Variants in PCDHA12 observed in about 807,000 individuals in gnomAD.
PCDHA12 encodes the protein protocadherin alpha-12.
A neutral mutation model predicts 60.0 loss-of-function variants in PCDHA12; 44 were observed. The ratio of observed to expected loss-of-function variants is 0.73; its 90% CI spans 0.58 to 0.94. The LOEUF (loss-of-function observed/expected upper bound fraction) is 0.94. PCDHA12 is among the 40% of genes least tolerant of loss of function. PCDHA12 has a pLI of 0.00. For missense variants in PCDHA12, 1,276 were observed against 1,239.7 expected (o/e 1.03, Z -0.44); for synonymous variants, 569 against 553.0 (o/e 1.03, Z -0.40).
intron 1 of PCDHA12, among the ~76,000 whole-genome samples, chr5:140,904,631 G>A (rs150616068): frequency 0.029 from 4,338 of 152,074 alleles, 82 homozygotes; most frequent in Non-Finnish European, 0.044. Flanking sequence ...GTTCTTTAAG[G>A]AATCTCCACA....
chr5:140,907,167 T>C (rs1200819434), intron 1 of PCDHA12, among the ~76,000 whole-genome samples: 3 of 152,166 alleles, frequency 2.0e-5, no homozygotes, highest in Non-Finnish European at 4.4e-5. Context: ...ATATATTGGA[T>C]GCTGATTCAG....
intron 1 of PCDHA12, among the ~76,000 whole-genome samples, chr5:140,958,627 T>C (rs1183042351): frequency 6.6e-6 from 1 of 152,128 alleles, no homozygotes; most frequent in African/African-American, 2.4e-5. Flanking sequence ...AGCTTGAGAG[T>C]ACTGCAGAAA....
chr5:140,969,058 T>C, intron 1 of PCDHA12: 1 of 1,614,166 alleles, frequency 6.2e-7, no homozygotes. Flanking sequence ...ACAACAATAT[T>C]GATGCCAGGA....
At chr5:140,946,867 G>A (rs1194586546) in intron 1 of PCDHA12, among the ~76,000 whole-genome samples, 1 of 151,282 alleles carries the variant, frequency 6.6e-6, no homozygotes, top group Non-Finnish European at 1.5e-5. Context: ...GGAGAGGTTG[G>A]TCAATGGGTA....
intron 3 of PCDHA12, among the ~76,000 whole-genome samples, chr5:141,001,306 A>C (rs1554258083): frequency 6.6e-6 from 1 of 152,174 alleles, no homozygotes; most frequent in African/African-American, 2.4e-5. Context: ...CAGAGATATG[A>C]AATAATTTGC....
At chr5:140,884,128 C>A (rs1554181251) in intron 1 of PCDHA12, 1 of 1,613,308 alleles carries the variant, frequency 6.2e-7, no homozygotes, top group Non-Finnish European at 8.5e-7. Flanking sequence ...GCGCGCGCAT[C>A]CCGTTCCGCG....
intron 1 of PCDHA12, among the ~76,000 whole-genome samples, chr5:140,923,958 T>C (rs1447655640): frequency 1.3e-5 from 2 of 152,216 alleles, no homozygotes; most frequent in Admixed American, 6.5e-5. Context: ...CACGCCCTAA[T>C]CTATACCCAC....
rs781792274 is a variant in PCDHA12, at chr5:140,927,895, G to A, written c.2367+50056G>A. The A allele has an allele frequency of 4.3e-5, 70 of 1,614,074 alleles. No homozygotes were observed. The highest frequency in any genetic ancestry group is 5.3e-5 in the Non-Finnish European group (62 of 1,180,048). On this transcript the variant is annotated intron_variant, in intron 1 of 3. Coordinates refer to ENST00000398631, the MANE Select transcript of PCDHA12 (RefSeq NM_018903.4). ...GCTGGTGGAGGTGACTGACGTGAACGATCATGCCCCCGAACTGGACTTCCT... is the reference window on the plus strand; with the variant it reads ...GCTGGTGGAGGTGACTGACGTGAACAATCATGCCCCCGAACTGGACTTCCT...
intron 1 of PCDHA12, among the ~76,000 whole-genome samples, chr5:140,954,810 A>C (rs1169811573): frequency 6.6e-6 from 1 of 151,948 alleles, no homozygotes; most frequent in Non-Finnish European, 1.5e-5. Context: ...CTTTTGTTGA[A>C]ATTGCTTTAG....
intron 1 of PCDHA12, among the ~76,000 whole-genome samples, chr5:140,932,398 T>C (rs1163806647): frequency 6.6e-6 from 1 of 151,960 alleles, no homozygotes; most frequent in Non-Finnish European, 1.5e-5. Flanking sequence ...AGTTTCAACA[T>C]ACCAATGTTA....
chr5:140,877,206 C>T lies in PCDHA12; in HGVS notation c.1734C>T (p.Ser578=), dbSNP rs782807049. The change falls in exon 1 of 4, where the codon AGC becomes AGT. Residue 578 remains serine, a synonymous_variant. Transcript: ENST00000398631. Reference sequence around the variant, plus strand: ...CTGGCAGCGCAGGAGGCGCAGTTAGCGAGTTGGTACCGCGGTCGGTGGGTG... The same window carrying T: ...CTGGCAGCGCAGGAGGCGCAGTTAGTGAGTTGGTACCGCGGTCGGTGGGTG... ...TPAGSAGGAV[S]ELVPRSVGAG... is the part of the protein sequence containing the mutation. The T allele has an allele frequency of 1.9e-6, 3 of 1,613,650 alleles. No individual in the cohort carries two copies. The highest frequency in any genetic ancestry group is 2.7e-5 in the African/African-American group (2 of 74,928).
chr5:140,955,867 C>T (rs1208648426), intron 1 of PCDHA12, among the ~76,000 whole-genome samples: 1 of 152,136 alleles, frequency 6.6e-6, no homozygotes, highest in Non-Finnish European at 1.5e-5. Context: ...CTTCACTTCC[C>T]TTTTTAGCTG....
intron 1 of PCDHA12, chr5:140,927,048 G>C: frequency 6.2e-7 from 1 of 1,612,122 alleles, no homozygotes; most frequent in Non-Finnish European, 8.5e-7. Flanking sequence ...CTATGTCCTC[G>C]CGGAACTTTC....
intron 1 of PCDHA12, among the ~76,000 whole-genome samples, chr5:140,975,697 AT>A (rs1375810410): frequency 1.3e-5 from 2 of 152,182 alleles, no homozygotes; most frequent in African/African-American, 4.8e-5. Flanking sequence ...TTTTAAACTT[AT>A]TTTACTTTAA....
At chr5:140,899,713 T>G (rs1336302647) in intron 1 of PCDHA12, among the ~76,000 whole-genome samples, 1 of 152,210 alleles carries the variant, frequency 6.6e-6, no homozygotes, top group Non-Finnish European at 1.5e-5. Context: ...TTAGGGAGGA[T>G]TCCCTCTTTT....
Position 141,010,322 on chromosome 5 carries a change from C to G in PCDHA12, c.*385C>G. 6.5e-7 allele frequency: 1 copy of G among 1,540,986 alleles called. No homozygotes were observed. The highest frequency in any genetic ancestry group is 8.7e-7 in the Non-Finnish European group (1 of 1,143,174). Reference sequence around the variant, plus strand: ...GCTGAAAAGTTTTGAGATTGAGCAGCTTGGGAGTTTGTGGCCACTGGGTAT... The same window carrying G: ...GCTGAAAAGTTTTGAGATTGAGCAGGTTGGGAGTTTGTGGCCACTGGGTAT... On this transcript the variant is annotated 3_prime_UTR_variant, in exon 4 of 4. Transcript: ENST00000398631.
chr5:140,884,295 C>T, intron 1 of PCDHA12: 3 of 1,613,680 alleles, frequency 1.9e-6, no homozygotes, highest in South Asian at 2.2e-5. Context: ...GGCCAAGCGC[C>T]ACAGGCTTCG....
chr5:140,933,137 A>C (rs1378585369), intron 1 of PCDHA12, among the ~76,000 whole-genome samples: 1 of 151,994 alleles, frequency 6.6e-6, no homozygotes, highest in African/African-American at 2.4e-5. Context: ...ATAAAGGTAG[A>C]TAGCCACTCA....
rs2055459044 is a variant in PCDHA12 at position 140,875,409 on chromosome 5, A to C, written c.-64A>C. ...TACAGAAAAGGGTGACTGCTCATAA[A>C]ATACCTCAGGCAAGCGATCCCTTAA... On this transcript the variant is annotated 5_prime_UTR_variant, in exon 1 of 4. Coordinates refer to ENST00000398631, the MANE Select transcript of PCDHA12 (RefSeq NM_018903.4). The C allele has an allele frequency of 6.7e-7, 1 of 1,500,680 alleles. No individual in the cohort carries two copies. The highest frequency in any genetic ancestry group is 1.4e-5 in the African/African-American group (1 of 71,122). 93.0% of individuals were successfully genotyped at this position (1,500,680 alleles called of 1,614,324 possible).
Sources: allele counts gnomAD v4.1 joint callset (sites outside exome capture counted in the v4.1 genomes callset), GRCh38; gene constraint gnomAD v4.1.1; transcripts MANE v1.5; gene names NCBI Gene and HGNC (gene_info 2026-07-23, HGNC 2026-07-21).